Variants in TENM1 observed in about 807,000 individuals in gnomAD.
The protein encoded by TENM1 is teneurin transmembrane protein 1.
TENM1 carries 35 observed loss-of-function variants against 174.8 expected under a neutral mutation model. The observed-to-expected ratio is 0.20, with a 90% CI of 0.15 to 0.27. The LOEUF (loss-of-function observed/expected upper bound fraction) is 0.27, where lower values mean the gene tolerates loss of function less well. Among genes scored for constraint, TENM1 ranks in the 10% least tolerant of loss-of-function variants. TENM1 has a pLI of 1.00. For missense variants in TENM1, 1,633 were observed against 2,130.1 expected (o/e 0.77, Z 4.59); for synonymous variants, 781 against 798.7 (o/e 0.98, Z 0.37).
intron 3 of TENM1, among the ~76,000 whole-genome samples, chrX:124,860,651 C>T (rs1031559863): frequency 8.9e-6 from 1 of 111,810 alleles, no homozygotes; most frequent in Non-Finnish European, 1.9e-5. Context: ...TCTGGAACAA[C>T]TGAAACCCAA....
At chrX:124,690,431 G>C (rs765759726) in intron 5 of TENM1, among the ~76,000 whole-genome samples, 1 of 109,652 alleles carries the variant, frequency 9.1e-6, no homozygotes, top group African/African-American at 3.3e-5. Flanking sequence ...GGACAGACTA[G>C]GAATATACAA....
At chrX:124,938,728 G>A (rs2058281572) in intron 1 of TENM1, among the ~76,000 whole-genome samples, 1 of 112,203 alleles carries the variant, frequency 8.9e-6, no homozygotes, top group Non-Finnish European at 1.9e-5. Context: ...GAAACTACAT[G>A]TGTGGATTTC....
chrX:124,795,509 A>G (rs932837983), intron 3 of TENM1, among the ~76,000 whole-genome samples: 13 of 111,933 alleles, frequency 1.2e-4, no homozygotes, highest in African/African-American at 3.6e-4. Flanking sequence ...TTGCAAAGAG[A>G]GCTAATATTT....
At chrX:124,446,634 T>C (rs2060967996) in intron 23 of TENM1, among the ~76,000 whole-genome samples, 1 of 112,638 alleles carries the variant, frequency 8.9e-6, no homozygotes, top group African/African-American at 3.2e-5. Flanking sequence ...CTAGTATACA[T>C]GGGCCTTTCT....
chrX:124,566,721 A>T (rs2048950035), intron 11 of TENM1, among the ~76,000 whole-genome samples: 1 of 112,156 alleles, frequency 8.9e-6, no homozygotes, highest in Non-Finnish European at 1.9e-5. Context: ...CTTCTGATAA[A>T]GCCATGATTA....
At chrX:125,077,488 A>T in the TENM1 span, among the ~76,000 whole-genome samples, 5 of 111,747 alleles carry the variant, frequency 4.5e-5, 1 homozygote, top group South Asian at 1.9e-3. Context: ...CTAAAAATAG[A>T]GGATGAAGGA....
chrX:125,126,832 G>A, the TENM1 span, among the ~76,000 whole-genome samples: 1 of 111,204 alleles, frequency 9.0e-6, no homozygotes, highest in Non-Finnish European at 1.9e-5. Context: ...CAGTGCATCT[G>A]GAAACAACAG....
intron 22 of TENM1, among the ~76,000 whole-genome samples, chrX:124,475,563 C>T (rs896847516): frequency 8.9e-6 from 1 of 111,938 alleles, no homozygotes; most frequent in Non-Finnish European, 1.9e-5. Flanking sequence ...GGGTCACCAA[C>T]GAACTCCTCA....
In TENM1 at chrX:124,506,394, A is replaced by G. The variant is rs780502711; in HGVS notation, c.3302-2691T>C. ...ATACATACTCTTTTCACCTCCTCCTATCTGCTCTCTGAATTGCTCTCCAGT... is the reference window on the plus strand; with the variant it reads ...ATACATACTCTTTTCACCTCCTCCTGTCTGCTCTCTGAATTGCTCTCCAGT... On this transcript the variant is annotated intron_variant, in intron 18 of 31. Coordinates refer to ENST00000422452, the Ensembl canonical transcript of TENM1. Among the ~76,000 whole-genome samples the G allele has an allele frequency of 1.7e-4, 19 of 111,361 alleles. No homozygotes were observed. In the East Asian group the frequency reaches 2.0e-3, roughly 12 times the overall value.
chrX:124,834,822 T>G (rs2147341980), intron 3 of TENM1, among the ~76,000 whole-genome samples: 1 of 112,431 alleles, frequency 8.9e-6, no homozygotes, highest in East Asian at 2.8e-4. Flanking sequence ...ATTTCTCATT[T>G]GAGCCAATGA....
intron 3 of TENM1, among the ~76,000 whole-genome samples, chrX:124,832,176 T>G (rs1337824541): frequency 8.9e-6 from 1 of 111,901 alleles, no homozygotes. Flanking sequence ...TGTATGTTCA[T>G]AACAAAAACT....
At chrX:124,973,063 CTTGAG>C in the TENM1 span, among the ~76,000 whole-genome samples, 1 of 112,153 alleles carries the variant, frequency 8.9e-6, no homozygotes, top group African/African-American at 3.2e-5. Context: ...AGAAAGCCAT[CTTGAG>C]TTAATTTTTG....
intron 1 of TENM1, among the ~76,000 whole-genome samples, chrX:124,958,364 C>T (rs1409709803): frequency 9.0e-6 from 1 of 111,421 alleles, no homozygotes; most frequent in Non-Finnish European, 1.9e-5. Context: ...ACATTAACTT[C>T]CCTAAAAAGT....
At chrX:124,582,283 A>G (rs1006998458) in intron 11 of TENM1, among the ~76,000 whole-genome samples, 1 of 111,825 alleles carries the variant, frequency 8.9e-6, no homozygotes, top group South Asian at 3.8e-4. Flanking sequence ...CCAGTCTATC[A>G]TTAATGTTTT....
chrX:124,796,350 T>C (rs1340572096), intron 3 of TENM1, among the ~76,000 whole-genome samples: 2 of 111,907 alleles, frequency 1.8e-5, no homozygotes, highest in African/African-American at 3.2e-5. Flanking sequence ...TCTGTGCTTA[T>C]TCAGTTCAGC....
chrX:125,101,856 A>G, the TENM1 span, among the ~76,000 whole-genome samples: 3 of 99,774 alleles, frequency 3.0e-5, no homozygotes, highest in Non-Finnish European at 5.8e-5. Flanking sequence ...ACTCTGCTCA[A>G]ATGTTTGAGA....
the TENM1 span, among the ~76,000 whole-genome samples, chrX:125,126,443 C>A: frequency 9.0e-6 from 1 of 110,927 alleles, no homozygotes; most frequent in Non-Finnish European, 1.9e-5. Context: ...TACTCCAGAG[C>A]CTTTGAAGCA....
At chrX:125,104,630 CT>C in the TENM1 span, among the ~76,000 whole-genome samples, 29,158 of 108,225 alleles carry the variant, frequency 0.27, 3,269 homozygotes, top group African/African-American at 0.41. Flanking sequence ...AGGGAAGAGC[CT>C]TTTTTTTTAA....
At chrX:124,992,572 T>A in the TENM1 span, among the ~76,000 whole-genome samples, 1 of 111,110 alleles carries the variant, frequency 9.0e-6, no homozygotes. Context: ...TCCCTCTTCC[T>A]TTCTGTGTAA....
Sources: allele counts gnomAD v4.1 joint callset (sites outside exome capture counted in the v4.1 genomes callset), GRCh38; gene constraint gnomAD v4.1.1; transcripts MANE v1.5; gene names NCBI Gene and HGNC (gene_info 2026-07-23, HGNC 2026-07-21).